GYPB: variants seen among roughly 807,000 people sequenced by gnomAD.
GYPB encodes the protein glycophorin B (MNS blood group), also known as glycophorin-B.
Under a neutral mutation model 15.3 loss-of-function variants are expected in GYPB, and 13 were observed. The observed-to-expected ratio is 0.85, with a 90% CI of 0.55 to 1.35. GYPB has a LOEUF of 1.35. Ranked by LOEUF, GYPB falls within the 40% of genes most tolerant of loss-of-function variation. The probability of loss-of-function intolerance (pLI) is 0.00; values close to 1 mark genes in which losing one functional copy is unlikely to be tolerated. For synonymous variants in GYPB, 38 were observed against 36.9 expected, an observed-to-expected ratio of 1.03 and a Z score of -0.11; for missense variants, 131 against 108.3, an observed-to-expected ratio of 1.21 and a Z score of -0.93.
At chr4:144,001,114 T>G in intron 2 of GYPB, 71 bp downstream of exon 2, 1 of 1,610,928 alleles carries the variant, frequency 6.2e-7, no homozygotes, top group South Asian at 1.1e-5. Flanking sequence ...CAGTGACAGG[T>G]CCCCTAAAAT....
intron 1 of GYPB, among the ~76,000 whole-genome samples, chr4:144,007,530 T>C (rs1427474214): frequency 6.6e-6 from 1 of 151,466 alleles, no homozygotes; most frequent in Non-Finnish European, 1.5e-5. Flanking sequence ...TCATCCACAC[T>C]GTCCCAAACC....
In GYPB at chr4:144,016,538, C is replaced by G. The variant is rs183979961; in HGVS notation, c.37+2713G>C. 4.5e-3 allele frequency among the ~76,000 whole-genome samples: 678 copies of G among 151,042 alleles called. 36 individuals carry two copies. The highest frequency in any genetic ancestry group is 0.016 in the African/African-American group (646 of 40,516). On this transcript the variant is annotated intron_variant, in intron 1 of 4. Coordinates refer to ENST00000502664, the MANE Select transcript of GYPB (RefSeq NM_002100.6). ...TACCAATCGGGAACTGTGCTAGATT[C>G]TGGGAATACATGGATGAATAAAGTA...
At chr4:144,018,702 A>C (rs1273554536) in intron 1 of GYPB, among the ~76,000 whole-genome samples, 3 of 151,276 alleles carry the variant, frequency 2.0e-5, no homozygotes, top group East Asian at 3.9e-4. Flanking sequence ...TAAAATTCAC[A>C]CGACACCTAA....
In GYPB at chr4:144,001,968, C is replaced by CAAAA. The variant is rs374342942; in HGVS notation, c.38-689_38-686dup. The stretch of plus-strand genomic sequence containing the variant: ...TGGGCGACAGAACGAGATTCCGTTT[C>CAAAA]AAAAAAAAAAAAAAAAAAAAACCAC... On this transcript the variant is annotated intron_variant, in intron 1 of 4. Coordinates refer to ENST00000502664, the MANE Select transcript of GYPB (RefSeq NM_002100.6). Among the ~76,000 whole-genome samples, 51 of 96,080 alleles carry CAAAA rather than the reference C, an allele frequency of 5.3e-4. 2 individuals are homozygous for CAAAA. The highest frequency in any genetic ancestry group is 4.6e-3 in the East Asian group (15 of 3,262). 63.0% of individuals were successfully genotyped at this position (96,080 alleles called of 152,430 possible). A position where few individuals can be genotyped will look rare whatever the true frequency, so the allele number is the denominator to read the frequency against.
chr4:144,012,370 AT>A (rs1339770284), intron 1 of GYPB: 2 of 151,500 alleles, frequency 1.3e-5, no homozygotes, highest in African/African-American at 4.9e-5. Flanking sequence ...CTTAATCTCT[AT>A]ATTTTTGTTC....
intron 1 of GYPB, among the ~76,000 whole-genome samples, chr4:144,010,481 A>C (rs994127754): frequency 3.3e-5 from 5 of 150,936 alleles, no homozygotes; most frequent in African/African-American, 1.2e-4. Context: ...AAAAAAATTA[A>C]GTTGTATAAA....
At chr4:144,002,749 A>T (rs751121018) in intron 1 of GYPB, 164 of 1,234,492 alleles carry the variant, frequency 1.3e-4, no homozygotes, top group Non-Finnish European at 1.7e-4. Flanking sequence ...TCATTAGTCT[A>T]CTCAAGGGAA....
intron 1 of GYPB, among the ~76,000 whole-genome samples, chr4:144,018,950 T>A (rs990692822): frequency 3.3e-5 from 5 of 151,450 alleles, no homozygotes; most frequent in Non-Finnish European, 7.3e-5. Context: ...GCAATACATT[T>A]ATTCACAGAG....
intron 1 of GYPB, among the ~76,000 whole-genome samples, chr4:144,015,979 A>G (rs904455588): frequency 2.0e-5 from 3 of 150,992 alleles, no homozygotes; most frequent in African/African-American, 5.0e-5. Context: ...GTTGATATTG[A>G]CTGCCTACTA....
intron 2 of GYPB, chr4:144,000,127 A>G (rs1157642515): frequency 1.2e-5 from 2 of 168,842 alleles, no homozygotes; most frequent in African/African-American, 2.4e-5. Context: ...ATTACTTAGT[A>G]TATGCTATGT....
chr4:144,003,569 A>G lies in GYPB; in HGVS notation c.38-2286T>C, dbSNP rs187417564. Among the ~76,000 whole-genome samples, 153 of 151,652 alleles carry G rather than the reference A, an allele frequency of 1.0e-3. 5 individuals are homozygous for G. Among genetic ancestry groups the G allele is most frequent in the African/African-American group, 3.5e-3 (143 of 40,908 alleles). On this transcript the variant is annotated intron_variant, in intron 1 of 4. Coordinates refer to ENST00000502664, the MANE Select transcript of GYPB (RefSeq NM_002100.6). ...CTTTCATTATTTTAATTTTAAATGA[A>G]GTCAGAGAAGGTGAAAAGTATTTTA...
At chr4:144,016,085 C>T (rs1348762052) in intron 1 of GYPB, among the ~76,000 whole-genome samples, 2 of 131,654 alleles carry the variant, frequency 1.5e-5, no homozygotes, top group African/African-American at 5.9e-5. Flanking sequence ...GTTCCTGTAA[C>T]TCTTTCCTGT....
chr4:144,011,618 T>C (rs1380756127), intron 1 of GYPB, among the ~76,000 whole-genome samples: 2 of 151,178 alleles, frequency 1.3e-5, no homozygotes, highest in Non-Finnish European at 2.9e-5. Flanking sequence ...TGAGAAATTT[T>C]AAGTTTTCTC....
chr4:143,998,926 G>A (rs920161385), intron 3 of GYPB, among the ~76,000 whole-genome samples: 2 of 150,020 alleles, frequency 1.3e-5, no homozygotes, highest in African/African-American at 5.0e-5. Flanking sequence ...TTGTTTTTGA[G>A]ACAGGGTCTT....
intron 1 of GYPB, among the ~76,000 whole-genome samples, chr4:144,009,828 C>T (rs972098483): frequency 3.3e-5 from 5 of 150,290 alleles, no homozygotes; most frequent in African/African-American, 1.0e-4. Context: ...TTAGCCAGGA[C>T]GATCTCGATC....
chr4:144,013,000 G>C (rs1728296217), intron 1 of GYPB, among the ~76,000 whole-genome samples: 2 of 151,458 alleles, frequency 1.3e-5, no homozygotes, highest in African/African-American at 4.9e-5. Context: ...ACTATCAAAA[G>C]TAAAAACAAA....
intron 1 of GYPB, chr4:144,012,639 G>T (rs1461765494): frequency 6.6e-6 from 1 of 151,526 alleles, no homozygotes; most frequent in Non-Finnish European, 1.5e-5. Context: ...TCTTCGGATA[G>T]AATTGAGACT....
At chr4:143,998,469 A>G (rs376537028) in intron 3 of GYPB, among the ~76,000 whole-genome samples, 65 of 150,368 alleles carry the variant, frequency 4.3e-4, no homozygotes, top group Middle Eastern at 3.4e-3. Flanking sequence ...AGCCTTCTTG[A>G]CCACTTAGCT....
chr4:144,009,601 C>CTTTTTTTT lies in GYPB; in HGVS notation c.38-8326_38-8319dup, dbSNP rs55807150. On this transcript the variant is annotated intron_variant, in intron 1 of 4. Transcript: ENST00000502664. ...ATTATTATTTTGATTTTTTTTCTTT[C>CTTTTTTTT]TTTTTTTTTTTTTTTTTTTTTTTTT... Among the ~76,000 whole-genome samples, 18 of 57,782 alleles carry CTTTTTTTT rather than the reference C, an allele frequency of 3.1e-4. 2 individuals are homozygous for CTTTTTTTT. Among genetic ancestry groups the CTTTTTTTT allele is most frequent in the African/African-American group, 1.3e-3 (16 of 12,318 alleles). 37.9% of individuals were successfully genotyped at this position (57,782 alleles called of 152,430 possible). A position where few individuals can be genotyped will look rare whatever the true frequency, so the allele number is the denominator to read the frequency against.
Sources: allele counts gnomAD v4.1 joint callset (sites outside exome capture counted in the v4.1 genomes callset), GRCh38; gene constraint gnomAD v4.1.1; transcripts MANE v1.5; gene names NCBI Gene and HGNC (gene_info 2026-07-23, HGNC 2026-07-21).